The following SORCS2 variants were observed in gnomAD, a reference collection of about 807,000 sequenced individuals.
The protein encoded by SORCS2 is VPS10 domain-containing receptor SorCS2.
A neutral mutation model predicts 141.6 loss-of-function variants in SORCS2; 100 were observed. The ratio of observed to expected loss-of-function variants is 0.71; its 90% CI spans 0.60 to 0.83. SORCS2 has a LOEUF of 0.83. Among genes scored for constraint, SORCS2 ranks in the 40% least tolerant of loss-of-function variants. The pLI, the probability that SORCS2 is intolerant of heterozygous loss-of-function variation, is 0.00. For missense variants in SORCS2, 1,646 were observed against 1,560.2 expected (o/e 1.05, Z -0.93); for synonymous variants, 789 against 676.9 (o/e 1.17, Z -2.57).
intron 3 of SORCS2, among the ~76,000 whole-genome samples, chr4:7,553,345 A>T (rs1713864632): frequency 6.6e-6 from 1 of 152,260 alleles, no homozygotes; most frequent in Non-Finnish European, 1.5e-5. Flanking sequence ...TCATCAAAAA[A>T]GGAAACATTC....
At chr4:7,476,365 T>G (rs12504152) in intron 2 of SORCS2, among the ~76,000 whole-genome samples, 21,434 of 152,120 alleles carry the variant, frequency 0.14, 2,075 homozygotes, top group African/African-American at 0.25. Flanking sequence ...GCAGCCCACG[T>G]CTGACTGGGG....
At chr4:7,384,449 G>T (rs1459936369) in intron 1 of SORCS2, among the ~76,000 whole-genome samples, 1 of 152,188 alleles carries the variant, frequency 6.6e-6, no homozygotes, top group East Asian at 1.9e-4. Context: ...CTCCACTGCA[G>T]GTCAGACCTC....
At chr4:7,361,391 T>C (rs1421217691) in intron 1 of SORCS2, among the ~76,000 whole-genome samples, 1 of 152,146 alleles carries the variant, frequency 6.6e-6, no homozygotes, top group Non-Finnish European at 1.5e-5. Context: ...GCGCACTCCT[T>C]GGGAAGTGAA....
At chr4:7,625,005 T>C (rs1026154658) in intron 3 of SORCS2, among the ~76,000 whole-genome samples, 1 of 152,252 alleles carries the variant, frequency 6.6e-6, no homozygotes, top group Non-Finnish European at 1.5e-5. Context: ...TTATTTTATA[T>C]GCTCTGAAAT....
At chr4:7,311,127 C>T (rs1718155901) in intron 1 of SORCS2, among the ~76,000 whole-genome samples, 2 of 152,066 alleles carry the variant, frequency 1.3e-5, no homozygotes, top group East Asian at 1.9e-4. Context: ...CCACTGTCTC[C>T]TTCCCGCCAC....
chr4:7,259,091 A>G (rs1336258168), intron 1 of SORCS2, among the ~76,000 whole-genome samples: 1 of 152,144 alleles, frequency 6.6e-6, no homozygotes, highest in Non-Finnish European at 1.5e-5. Context: ...GTTCACTCTG[A>G]TGATAGTTTC....
intron 2 of SORCS2, among the ~76,000 whole-genome samples, chr4:7,476,473 T>C (rs552951271): frequency 6.6e-6 from 1 of 152,244 alleles, no homozygotes; most frequent in Admixed American, 6.5e-5. Flanking sequence ...TTGGGTGGTC[T>C]CCTTTACCAA....
chr4:7,556,893 C>G (rs1201421768), intron 3 of SORCS2, among the ~76,000 whole-genome samples: 1 of 151,202 alleles, frequency 6.6e-6, no homozygotes, highest in Non-Finnish European at 1.5e-5. Flanking sequence ...TCCACCCACC[C>G]ACCATCCATC....
At chr4:7,571,079 G>C (rs1048430398) in intron 3 of SORCS2, among the ~76,000 whole-genome samples, 40 of 152,226 alleles carry the variant, frequency 2.6e-4, no homozygotes, top group African/African-American at 9.4e-4. Flanking sequence ...CCTGGATTTA[G>C]TAAAATAAGC....
chr4:7,621,403 CTG>C (rs1395829126), intron 3 of SORCS2, among the ~76,000 whole-genome samples: 2 of 148,492 alleles, frequency 1.3e-5, no homozygotes, highest in African/African-American at 5.0e-5. Flanking sequence ...ATGTGTGTGT[CTG>C]TGTGCATGTT....
intron 18 of SORCS2, among the ~76,000 whole-genome samples, chr4:7,718,642 T>G (rs1468889254): frequency 2.0e-5 from 3 of 152,254 alleles, no homozygotes; most frequent in Admixed American, 2.0e-4. Context: ...ATCCTGTGTG[T>G]GCATGGACAG....
chr4:7,611,149 T>G (rs984219108), intron 3 of SORCS2, among the ~76,000 whole-genome samples: 1 of 152,152 alleles, frequency 6.6e-6, no homozygotes, highest in African/African-American at 2.4e-5. Context: ...AAAGCCCACA[T>G]GGAGCCAGTG....
At chr4:7,526,987 T>C (rs1411172776) in intron 2 of SORCS2, among the ~76,000 whole-genome samples, 1 of 152,234 alleles carries the variant, frequency 6.6e-6, no homozygotes, top group Non-Finnish European at 1.5e-5. Context: ...GTATATTTCA[T>C]AGTCCCAGGG....
rs1210056681 is a variant in SORCS2, at chr4:7,193,946, T to C, written c.480+820T>C. Among the ~76,000 whole-genome samples, 1 of 152,056 alleles carries C rather than the reference T, an allele frequency of 6.6e-6. No individual in the cohort carries two copies. Among genetic ancestry groups the C allele is most frequent in the Admixed American group, 6.5e-5 (1 of 15,276 alleles). ...TCCTGCCTCCTCTGGCCTTTGGTGGTGCATGCAGGAGGCAGAGGGTCCCTT... is the reference window on the plus strand; with the variant it reads ...TCCTGCCTCCTCTGGCCTTTGGTGGCGCATGCAGGAGGCAGAGGGTCCCTT... On this transcript the variant is annotated intron_variant, in intron 1 of 26. Coordinates refer to ENST00000507866, the MANE Select transcript of SORCS2 (RefSeq NM_020777.3). This position sits in a 1 kb window ranked among gnomAD's most constrained non-coding sequence, Gnocchi z 4.8.
At chr4:7,301,044 G>C (rs1362576211) in intron 1 of SORCS2, among the ~76,000 whole-genome samples, 1 of 152,118 alleles carries the variant, frequency 6.6e-6, no homozygotes, top group Admixed American at 6.5e-5. Flanking sequence ...GTCTTCCAGA[G>C]CTGGTTTAGC....
intron 3 of SORCS2, among the ~76,000 whole-genome samples, chr4:7,624,959 A>G (rs55658024): frequency 0.03 from 4,613 of 152,370 alleles, 212 homozygotes; most frequent in African/African-American, 0.1. Context: ...ACACAAGATC[A>G]TTAATAAATC....
chr4:7,657,706 G>C (rs987633760), intron 5 of SORCS2, among the ~76,000 whole-genome samples: 2 of 152,078 alleles, frequency 1.3e-5, no homozygotes, highest in African/African-American at 4.8e-5. Context: ...TTGAGTGAAT[G>C]AGTGAGTAGC....
Position 7,689,475 on chromosome 4 carries a change from C to T in SORCS2, c.1489-11C>T. The T allele has an allele frequency of 1.3e-6, 2 of 1,583,110 alleles. No individual in the cohort carries two copies. Among genetic ancestry groups the T allele is most frequent in the East Asian group, 4.6e-5 (2 of 43,162 alleles). On this transcript the variant is annotated splice_polypyrimidine_tract_variant and intron_variant, in intron 10 of 26. Transcript: ENST00000507866. ...ATGTGTTGACAGTTGCGTCCTTTCT[C>T]TTCCTTGCAGCCAGACTGCCACCTG...
intron 2 of SORCS2, among the ~76,000 whole-genome samples, chr4:7,519,541 C>T (rs1733191512): frequency 6.6e-6 from 1 of 152,212 alleles, no homozygotes; most frequent in Non-Finnish European, 1.5e-5. Flanking sequence ...CTGGAAGAGA[C>T]CCAGCACGTG....
Sources: gnomAD v4.1 joint callset for allele counts (sites outside exome capture counted in the v4.1 genomes callset) on GRCh38, gnomAD v4.1.1 for gene constraint, Gnocchi (gnomAD v3.1) non-coding constraint, MANE v1.5 for transcripts, NCBI Gene and HGNC (gene_info 2026-07-23, HGNC 2026-07-21) for gene names.